Variants in E4F1 observed in about 807,000 individuals in gnomAD.
E4F1 encodes the protein transcription factor E4F1.
E4F1 carries 30 observed loss-of-function variants against 72.9 expected under a neutral mutation model. That is an observed-to-expected ratio of 0.41 (90% CI 0.31 to 0.56). E4F1 has a LOEUF of 0.56. Ranked by LOEUF, E4F1 falls within the 20% of genes least tolerant of loss-of-function variation. E4F1 has a pLI of 0.25. For missense variants in E4F1, 1,091 were observed against 1,117.5 expected (o/e 0.98, Z 0.34); for synonymous variants, 542 against 478.2 (o/e 1.13, Z -1.74).
Position 2,234,591 on chromosome 16 carries a change from G to A in E4F1, c.1602G>A (p.Gln534=). Residue 534 remains glutamine (Q), a synonymous_variant, in exon 11 of 14, where the codon CAG becomes CAA. Coordinates refer to ENST00000301727, the MANE Select transcript of E4F1 (RefSeq NM_004424.5). The part of the protein sequence containing the change: ...CGKRYKTKNA[Q]QVHFRTHLEE... ...GACAGGTGTCTCCACAGAACGCACA[G>A]CAGGTGCACTTCAGGACACACCTGG... The A allele has an allele frequency of 6.3e-7, 1 of 1,593,342 alleles. No individual in the cohort carries two copies. Among genetic ancestry groups the A allele is most frequent in the Non-Finnish European group, 8.5e-7 (1 of 1,170,486 alleles).
chr16:2,225,635 G>A (rs1596751940), intron 1 of E4F1, among the ~76,000 whole-genome samples: 1 of 151,476 alleles, frequency 6.6e-6, no homozygotes, highest in East Asian at 2.0e-4. Context: ...ATCACACCCG[G>A]CTAATTTTGC....
At chr16:2,232,432 G>C in intron 4 of E4F1, 24 bp from the exon 5 acceptor site, 1 of 1,607,530 alleles carries the variant, frequency 6.2e-7, no homozygotes, top group Non-Finnish European at 8.5e-7. Context: ...GGAGGGCCCT[G>C]AGCTGCCACG....
intron 6 of E4F1, 37 bp downstream of exon 6, chr16:2,232,945 C>A (rs772665318): frequency 5.7e-5 from 92 of 1,612,468 alleles, no homozygotes; most frequent in Non-Finnish European, 7.6e-5. Context: ...GTCCTGGGGG[C>A]TGGCTGTGGA....
At position 2,233,550 on chromosome 16, in the gene E4F1, G is replaced by A; in HGVS notation, c.1169G>A (p.Gly390Asp). 2 of 1,516,240 alleles carry A rather than the reference G, an allele frequency of 1.3e-6. No individual in the cohort carries two copies. Among genetic ancestry groups the A allele is most frequent in the Non-Finnish European group, 1.8e-6 (2 of 1,131,394 alleles). 93.9% of individuals were successfully genotyped at this position (1,516,240 alleles called of 1,614,324 possible). A position where few individuals can be genotyped will look rare whatever the true frequency, so the allele number is the denominator to read the frequency against. ...IVLERAAGEE[G>D]ALEPAPAAGS... is the part of the protein sequence containing the mutation. ...CTTGAGCGCGCTGCTGGGGAGGAGG[G>A]TGCCCTGGAGCCAGCTCCTGCTGCC... is the stretch of plus-strand genomic sequence containing the variant. The change falls in exon 8 of 14, where the codon GGT becomes GAT. Residue 390 changes from glycine to aspartate, a missense_variant. Physicochemically the swap from Gly to Asp is moderately conservative, Grantham distance 94. Transcript: ENST00000301727.
At chr16:2,223,972 C>CA (rs1387968834) in intron 1 of E4F1, 1 of 1,509,692 alleles carries the variant, frequency 6.6e-7, no homozygotes, top group East Asian at 2.6e-5. Context: ...GGGCGCCTGT[C>CA]ATCCCCCCTC....
chr16:2,229,718 G>T, intron 3 of E4F1, 43 bp downstream of exon 3: 2 of 1,602,888 alleles, frequency 1.2e-6, no homozygotes, highest in South Asian at 2.2e-5. Flanking sequence ...AGACCTTCGT[G>T]GTTGGGGCCA....
chr16:2,224,107 C>T (rs1475668884), intron 1 of E4F1, among the ~76,000 whole-genome samples: 2 of 152,254 alleles, frequency 1.3e-5, no homozygotes, highest in Admixed American at 1.3e-4. Flanking sequence ...CTCCCCTCCT[C>T]TGGGCCCCTT....
At position 2,234,250 on chromosome 16, in the gene E4F1, C is replaced by G; in HGVS notation, c.1455C>G (p.His485Gln). Residue 485 changes from histidine to glutamine, a missense_variant, in exon 10 of 14, where the codon CAC (histidine) becomes CAG (glutamine). His to Gln is a conservative substitution (Grantham distance 24). Transcript: ENST00000301727. Reference sequence around the variant, plus strand: ...TGCTCAAGAAGCACCAGGAGGTGCACGTGCGTGAGCGCCGCTTCCGCTGTG... The same window carrying G: ...TGCTCAAGAAGCACCAGGAGGTGCAGGTGCGTGAGCGCCGCTTCCGCTGTG... ...AYLLKKHQEV[H>Q]VRERRFRCGD... 6.2e-7 allele frequency: 1 copy of G among 1,612,892 alleles called. No homozygotes were observed. The highest frequency in any genetic ancestry group is 8.5e-7 in the Non-Finnish European group (1 of 1,179,950).
In E4F1 at chr16:2,228,450, A is replaced by G. The variant is rs755607071; in HGVS notation, c.236A>G (p.Gln79Arg). The change falls in exon 2 of 14, where the codon CAG (glutamine) becomes CGG (arginine). Residue 79 changes from glutamine to arginine, a missense_variant. Around this residue, in one of 5 missense-constraint regions of E4F1, gnomAD observed 362 missense variants for 358.6 expected, o/e 1.01. Transcript: ENST00000301727. ...ALEDFVQHKIQKACQRAPPEA... is the reference protein window; with the variant it reads ...ALEDFVQHKIRKACQRAPPEA... ...GAGGATTTTGTTCAGCACAAGATTC[A>G]GAAGGCCTGCCAGCGGGCCCCTCCG... 1 of 1,613,548 alleles carries G rather than the reference A, an allele frequency of 6.2e-7. No individual in the cohort carries two copies. The highest frequency in any genetic ancestry group is 1.1e-5 in the South Asian group (1 of 91,078).
intron 1 of E4F1, 84 bp downstream of exon 1, chr16:2,223,854 G>A (rs1171402769): frequency 6.5e-7 from 1 of 1,531,192 alleles, no homozygotes. Flanking sequence ...CCGAGCTGCG[G>A]GCTCGACCGA....
chr16:2,229,929 C>A (rs1049710738), intron 3 of E4F1: 1 of 457,938 alleles, frequency 2.2e-6, no homozygotes, highest in Middle Eastern at 6.3e-4. Flanking sequence ...TGCTCTCTCC[C>A]GTCAGCTTTC....
In E4F1 at chr16:2,228,250, G is replaced by A. The variant is rs893465848; in HGVS notation, c.158-122G>A. On this transcript the variant is annotated intron_variant, in intron 1 of 13. Coordinates refer to ENST00000301727, the MANE Select transcript of E4F1 (RefSeq NM_004424.5). ...AGTGTGTTCTCAGCAGCCTGGGGAA[G>A]TAGCTCTGCTTCTGATGGCCTCCTG... 5.3e-6 allele frequency: 7 copies of A among 1,316,150 alleles called. No individual in the cohort carries two copies. In the Admixed American group the frequency reaches 1.4e-4, roughly 26 times the overall value. 81.5% of individuals were successfully genotyped at this position (1,316,150 alleles called of 1,614,324 possible). A position where few individuals can be genotyped will look rare whatever the true frequency, so the allele number is the denominator to read the frequency against.
At chr16:2,228,753 C>T (rs1037772219) in intron 2 of E4F1, among the ~76,000 whole-genome samples, 3 of 152,218 alleles carry the variant, frequency 2.0e-5, no homozygotes, top group Non-Finnish European at 4.4e-5. Flanking sequence ...CTGGTCGAAG[C>T]CCGTGCTGTT....
At chr16:2,224,788 A>G (rs1410523507) in intron 1 of E4F1, among the ~76,000 whole-genome samples, 2 of 151,270 alleles carry the variant, frequency 1.3e-5, no homozygotes, top group Non-Finnish European at 1.5e-5. Context: ...GTCTCAAAAG[A>G]AAAGAAAATG....
At chr16:2,224,171 G>A (rs2093416905) in intron 1 of E4F1, among the ~76,000 whole-genome samples, 1 of 152,214 alleles carries the variant, frequency 6.6e-6, no homozygotes, top group Admixed American at 6.5e-5. Context: ...AAGAGGGTGG[G>A]GCCTCGGTTT....
chr16:2,233,830 T>G, intron 8 of E4F1, 52 bp from the exon 9 acceptor site: 1 of 1,499,606 alleles, frequency 6.7e-7, no homozygotes, highest in Non-Finnish European at 9.0e-7. Flanking sequence ...TTCTTGGTAC[T>G]GCCAGGGCAC....
At chr16:2,233,792 G>A (rs1203325985) in intron 8 of E4F1, 90 bp from the exon 9 acceptor site, 1 of 1,418,606 alleles carries the variant, frequency 7.0e-7, no homozygotes, top group Non-Finnish European at 9.5e-7. Flanking sequence ...CCACAAGGGA[G>A]CCTGCCAGGG....
chr16:2,226,004 A>G (rs1334714523), intron 1 of E4F1, among the ~76,000 whole-genome samples: 1 of 151,520 alleles, frequency 6.6e-6, no homozygotes, highest in East Asian at 1.9e-4. Flanking sequence ...GAGGCAGGAG[A>G]ATGGCATGAG....
intron 1 of E4F1, among the ~76,000 whole-genome samples, chr16:2,226,368 C>T (rs2093433009): frequency 3.9e-5 from 6 of 152,070 alleles, no homozygotes; most frequent in Admixed American, 3.3e-4. Context: ...GCCCTGGAGC[C>T]GAGTGAGACA....
Sources: gnomAD v4.1 joint callset for allele counts (sites outside exome capture counted in the v4.1 genomes callset) on GRCh38, gnomAD v4.1.1 for gene constraint, gnomAD v4.1.1 regional missense constraint, MANE v1.5 for transcripts, NCBI Gene and HGNC (gene_info 2026-07-23, HGNC 2026-07-21) for gene names.